Variants in UBASH3B observed in about 807,000 individuals in gnomAD.
UBASH3B encodes the protein ubiquitin-associated and SH3 domain-containing protein B.
A neutral mutation model predicts 83.4 loss-of-function variants in UBASH3B; 37 were observed. The ratio of observed to expected loss-of-function variants is 0.44; its 90% CI spans 0.34 to 0.58. The LOEUF is 0.58. UBASH3B is among the 20% of genes least tolerant of loss of function. UBASH3B has a pLI of 0.01. For synonymous variants in UBASH3B, 304 were observed against 318.3 expected, an observed-to-expected ratio of 0.96 and a Z score of 0.48; for missense variants, 657 against 827.2, an observed-to-expected ratio of 0.79 and a Z score of 2.52.
At chr11:122,776,361 T>A in intron 2 of UBASH3B, 89 bp downstream of exon 2, 1 of 1,251,100 alleles carries the variant, frequency 8.0e-7, no homozygotes, top group Non-Finnish European at 1.1e-6. Flanking sequence ...CTTTCTCTAA[T>A]GGACCCTTCC....
At chr11:122,665,385 GT>G (rs1453248680) in intron 1 of UBASH3B, among the ~76,000 whole-genome samples, 1 of 151,980 alleles carries the variant, frequency 6.6e-6, no homozygotes, top group African/African-American at 2.4e-5. Flanking sequence ...AGAGATGGGG[GT>G]CTCACTACAT....
At chr11:122,685,018 A>T (rs1204547276) in intron 1 of UBASH3B, among the ~76,000 whole-genome samples, 1 of 152,174 alleles carries the variant, frequency 6.6e-6, no homozygotes, top group Non-Finnish European at 1.5e-5. Context: ...GCTCATCAAC[A>T]TATCTTCACG....
intron 1 of UBASH3B, among the ~76,000 whole-genome samples, chr11:122,657,943 AG>A (rs1211156816): frequency 6.6e-6 from 1 of 151,994 alleles, no homozygotes; most frequent in Non-Finnish European, 1.5e-5. Flanking sequence ...TGGGAGGCTG[AG>A]GCAGCCGGAT....
At chr11:122,803,550 G>C (rs185033837) in intron 11 of UBASH3B, among the ~76,000 whole-genome samples, 260 of 152,196 alleles carry the variant, frequency 1.7e-3, no homozygotes, top group Middle Eastern at 6.8e-3. Context: ...GGCCTGGGGG[G>C]GTTGAAAACA....
chr11:122,755,178 T>G (rs1297635008), intron 1 of UBASH3B, among the ~76,000 whole-genome samples: 1 of 152,124 alleles, frequency 6.6e-6, no homozygotes, highest in Non-Finnish European at 1.5e-5. Context: ...CCCAGAGCTC[T>G]TAAGCATATG....
chr11:122,661,050 T>C (rs1439895226), intron 1 of UBASH3B, among the ~76,000 whole-genome samples: 1 of 152,098 alleles, frequency 6.6e-6, no homozygotes, highest in Non-Finnish European at 1.5e-5. Flanking sequence ...AAGTTAAAGA[T>C]AGGATCAGGA....
rs191031695 is a variant in UBASH3B, at chr11:122,657,216, T to G, written c.161+1006T>G. On this transcript the variant is annotated intron_variant, in intron 1 of 13. Transcript: ENST00000284273. ...ACCTGAACAGGAGAGTTGGCCAAAC[T>G]TAATCAGTGAGGGCCAAGTAAATGA... Among the ~76,000 whole-genome samples the G allele has an allele frequency of 2.0e-5, 3 of 152,376 alleles. No homozygotes were observed. The East Asian group carries it at 5.8e-4, about 29-fold the overall frequency.
intron 1 of UBASH3B, among the ~76,000 whole-genome samples, chr11:122,689,199 G>T (rs369351243): frequency 2.6e-5 from 4 of 152,200 alleles, no homozygotes. Context: ...AAAACCCAAA[G>T]AATAAATACC....
chr11:122,680,112 T>C (rs537541691), intron 1 of UBASH3B, among the ~76,000 whole-genome samples: 2 of 152,326 alleles, frequency 1.3e-5, no homozygotes, highest in East Asian at 3.9e-4. Context: ...ATTACAGGCG[T>C]GAGCCACCAT....
At chr11:122,695,410 C>T (rs371389001) in intron 1 of UBASH3B, among the ~76,000 whole-genome samples, 9 of 152,188 alleles carry the variant, frequency 5.9e-5, no homozygotes, top group Middle Eastern at 3.2e-3. Context: ...TTCCAGTACT[C>T]GTGCCAGCAG....
intron 13 of UBASH3B, 140 bp downstream of exon 13, chr11:122,808,316 T>C: frequency 1.3e-6 from 1 of 754,176 alleles, no homozygotes; most frequent in Non-Finnish European, 2.4e-6. Context: ...TCAACCAAGA[T>C]GTATTGAGTG....
At chr11:122,763,737 A>T (rs1308200540) in intron 1 of UBASH3B, among the ~76,000 whole-genome samples, 2 of 152,222 alleles carry the variant, frequency 1.3e-5, no homozygotes, top group Non-Finnish European at 2.9e-5. Context: ...CAGGAGACTG[A>T]TTCTGAAATT....
chr11:122,790,068 G>C (rs1282384729), intron 6 of UBASH3B, among the ~76,000 whole-genome samples: 1 of 152,242 alleles, frequency 6.6e-6, no homozygotes, highest in African/African-American at 2.4e-5. Flanking sequence ...CATCTAGCCA[G>C]GGTCTGCATG....
intron 1 of UBASH3B, among the ~76,000 whole-genome samples, chr11:122,766,604 G>A (rs1444086807): frequency 6.6e-6 from 1 of 151,818 alleles, no homozygotes; most frequent in Non-Finnish European, 1.5e-5. Context: ...TTAGCCGGAC[G>A]TGGTGGCAGG....
At chr11:122,804,043 A>G (rs1861299014) in intron 11 of UBASH3B, among the ~76,000 whole-genome samples, 1 of 152,124 alleles carries the variant, frequency 6.6e-6, no homozygotes, top group Non-Finnish European at 1.5e-5. Flanking sequence ...ACTGATCAGG[A>G]CGAACCAGAT....
chr11:122,803,805 C>T (rs772707908), intron 11 of UBASH3B, among the ~76,000 whole-genome samples: 8 of 151,976 alleles, frequency 5.3e-5, no homozygotes, highest in South Asian at 2.1e-4. Flanking sequence ...GATACAGTTT[C>T]GGGGATGCCA....
intron 4 of UBASH3B, 36 bp from the exon 5 acceptor site, chr11:122,783,016 AC>A (rs766929263): frequency 3.8e-6 from 6 of 1,595,952 alleles, no homozygotes; most frequent in Non-Finnish European, 5.1e-6. Flanking sequence ...TATCATCACC[AC>A]CTTTTAATTA....
At chr11:122,777,749 A>G (rs1860764012) in intron 3 of UBASH3B, among the ~76,000 whole-genome samples, 2 of 152,086 alleles carry the variant, frequency 1.3e-5, no homozygotes, top group Admixed American at 1.3e-4. Flanking sequence ...TGTTGTTTTG[A>G]GACAGAGTCT....
chr11:122,683,730 A>G (rs1335836301), intron 1 of UBASH3B, among the ~76,000 whole-genome samples: 1 of 136,504 alleles, frequency 7.3e-6, no homozygotes. Context: ...ATTGCCTTAT[A>G]ATTAAAAAAA....
Sources: allele counts gnomAD v4.1 joint callset (sites outside exome capture counted in the v4.1 genomes callset), GRCh38; gene constraint gnomAD v4.1.1; transcripts MANE v1.5; gene names NCBI Gene and HGNC (gene_info 2026-07-23, HGNC 2026-07-21).